PFKP: variants seen among roughly 807,000 people sequenced by gnomAD.
The protein encoded by PFKP is ATP-dependent 6-phosphofructokinase, platelet type.
PFKP carries 101 observed loss-of-function variants against 94.3 expected under a neutral mutation model. The observed-to-expected ratio is 1.07, with a 90% CI of 0.91 to 1.26. PFKP has a LOEUF of 1.26. Among genes scored for constraint, PFKP ranks in the 50% most tolerant of loss-of-function variants. The pLI is 0.00. For synonymous variants in PFKP, 573 were observed against 432.6 expected, an observed-to-expected ratio of 1.32 and a Z score of -4.03; for missense variants, 1,145 against 1,103.3, an observed-to-expected ratio of 1.04 and a Z score of -0.53.
Position 3,118,790 on chromosome 10 carries a change from C to T in PFKP, c.1451C>T (p.Pro484Leu), listed in dbSNP as rs749758798. The change falls in exon 15 of 22, where the codon CCG becomes CTG. Residue 484 changes from proline (P) to leucine (L), a missense_variant. By Grantham distance (98) the Pro-to-Leu change is moderately conservative. Around this residue, in one of 3 missense-constraint regions of PFKP, gnomAD observed 1,119 missense variants for 1,062.8 expected, o/e 1.05. Transcript: ENST00000381125. Reference sequence around the variant, plus strand: ...CACGTGGCTATTTTCAGCGTTCTCCCGGGGAAGTACTTGGAAGAGATCGCC... The same window carrying T: ...CACGTGGCTATTTTCAGCGTTCTCCTGGGGAAGTACTTGGAAGAGATCGCC... ...GSILGTKRVL[P>L]GKYLEEIATQ... is the part of the protein sequence containing the mutation. 9.3e-6 allele frequency: 15 copies of T among 1,612,902 alleles called. No individual in the cohort carries two copies. The highest frequency in any genetic ancestry group is 4.5e-5 in the East Asian group (2 of 44,832).
rs764772616 is a variant in PFKP at position 3,105,509 on chromosome 10, G to A, written c.774+8G>A. On this transcript the variant is annotated splice_region_variant and intron_variant, in intron 7 of 21. Transcript: ENST00000381125. ...TGTGTCAAACTCTCGGAGGTAATGC[G>A]GGTCCCGTGGCCGTTGATAGCGGGC... is the stretch of plus-strand genomic sequence containing the variant. 2.9e-5 allele frequency: 46 copies of A among 1,578,348 alleles called. No individual in the cohort carries two copies. Among genetic ancestry groups the A allele is most frequent in the East Asian group, 1.6e-4 (7 of 44,698 alleles).
intron 5 of PFKP, chr10:3,104,697 A>C (rs1344117886): frequency 4.1e-6 from 1 of 246,210 alleles, no homozygotes; most frequent in African/African-American, 2.4e-5. Flanking sequence ...CTGGGCATTA[A>C]GCACTTAGTG....
Position 3,113,485 on chromosome 10 carries a change from C to G in PFKP, c.1338C>G (p.Ile446Met), listed in dbSNP as rs778462812. 1.9e-6 allele frequency: 3 copies of G among 1,613,330 alleles called. No individual in the cohort carries two copies. Among genetic ancestry groups the G allele is most frequent in the Non-Finnish European group, 2.5e-6 (3 of 1,179,962 alleles). ...CCGACGGCCACAGGATGCTCGCCAT[C>G]TATGATGGCTTTGACGGCTTCGCCA... ...GIADGHRMLAIYDGFDGFAKG... is the reference protein window; with the variant it reads ...GIADGHRMLAMYDGFDGFAKG... Residue 446 changes from isoleucine to methionine, a missense_variant, in exon 13 of 22, where the codon ATC (isoleucine) becomes ATG (methionine). Ile to Met is a conservative substitution (Grantham distance 10, BLOSUM62 1). Coordinates refer to ENST00000381125, the MANE Select transcript of PFKP (RefSeq NM_002627.5).
intron 21 of PFKP, 145 bp from the exon 22 acceptor site, chr10:3,136,305 C>A: frequency 1.4e-6 from 1 of 709,768 alleles, no homozygotes; most frequent in Non-Finnish European, 2.4e-6. Context: ...TTCATTTGAT[C>A]CTGAAATTGG....
chr10:3,112,946 G>A (rs1486312284), intron 11 of PFKP, among the ~76,000 whole-genome samples, 173 bp from the exon 12 acceptor site: 2 of 152,248 alleles, frequency 1.3e-5, no homozygotes, highest in Non-Finnish European at 2.9e-5. Context: ...ACAGCACCGC[G>A]GGTCGCGGCT....
chr10:3,136,661 G>A lies in PFKP; in HGVS notation c.*82G>A, dbSNP rs915755489. ...TTAAGTTATTTTATCAGCACTTTAT[G>A]CACGTATTATTGACATTAATACCTA... On this transcript the variant is annotated 3_prime_UTR_variant, in exon 22 of 22. Coordinates refer to ENST00000381125, the MANE Select transcript of PFKP (RefSeq NM_002627.5). 1.5e-5 allele frequency: 22 copies of A among 1,476,392 alleles called. 1 individual carries two copies. The highest frequency in any genetic ancestry group is 1.3e-4 in the South Asian group (11 of 82,534). 91.5% of individuals were successfully genotyped at this position (1,476,392 alleles called of 1,614,324 possible). A position where few individuals can be genotyped will look rare whatever the true frequency, so the allele number is the denominator to read the frequency against.
chr10:3,100,479 CTGTG>C (rs1310335652), intron 3 of PFKP, among the ~76,000 whole-genome samples: 1 of 152,168 alleles, frequency 6.6e-6, no homozygotes, highest in Non-Finnish European at 1.5e-5. Context: ...TAGTGAGTCT[CTGTG>C]TGTGAAAATG....
In PFKP at chr10:3,118,814, C is replaced by T. The variant is rs1837096167; in HGVS notation, c.1475C>T (p.Ala492Val). Residue 492 changes from alanine (A) to valine (V), a missense_variant, in exon 15 of 22, where the codon GCC becomes GTC. Coordinates refer to ENST00000381125, the MANE Select transcript of PFKP (RefSeq NM_002627.5). ...CCGGGGAAGTACTTGGAAGAGATCG[C>T]CACACAGATGCGCACGCACAGCATC... is the stretch of plus-strand genomic sequence containing the variant. Reference protein sequence around the residue: ...VLPGKYLEEIATQMRTHSINA... With the variant: ...VLPGKYLEEIVTQMRTHSINA... 7 of 1,613,820 alleles carry T rather than the reference C, an allele frequency of 4.3e-6. No homozygotes were observed. In the South Asian group the frequency reaches 5.5e-5, roughly 13 times the overall value.
At chr10:3,119,059 C>T (rs201347515) in intron 15 of PFKP, among the ~76,000 whole-genome samples, 190 bp downstream of exon 15, 1 of 149,644 alleles carries the variant, frequency 6.7e-6, no homozygotes, top group East Asian at 1.9e-4. Flanking sequence ...GGCCCAGTTC[C>T]AGTAAAGCAA....
Position 3,105,154 on chromosome 10 carries a change from CTG to C in PFKP, c.663_664del (p.Cys221TrpfsTer52), listed in dbSNP as rs1284661222. The part of the protein sequence containing the change: ...TFVLEVMGRH[C>X]GYLALVSALA... ...TCGTTCTGGAGGTGATGGGACGACA[CTG>C]TGGGTACGTACCTGCGGTGGGTCCG... On this transcript the variant is annotated frameshift_variant, in exon 6 of 22. Coordinates refer to ENST00000381125, the MANE Select transcript of PFKP (RefSeq NM_002627.5). LOFTEE classifies it high-confidence loss of function. 1.9e-6 allele frequency: 3 copies of C among 1,613,934 alleles called. No individual in the cohort carries two copies. The highest frequency in any genetic ancestry group is 2.5e-6 in the Non-Finnish European group (3 of 1,179,890).
At chr10:3,100,866 A>AT (rs778621965) in intron 3 of PFKP, 68 of 579,582 alleles carry the variant, frequency 1.2e-4, no homozygotes, top group Middle Eastern at 5.9e-4. Flanking sequence ...GTGGTGCAAA[A>AT]AAAAAAAAAA....
At chr10:3,122,046 C>A (rs1485961990) in intron 16 of PFKP, among the ~76,000 whole-genome samples, 2 of 146,304 alleles carry the variant, frequency 1.4e-5, no homozygotes, top group African/African-American at 5.1e-5. Flanking sequence ...GGTCTCAAAA[C>A]GTCTGGGCTC....
rs1236597003 is a variant in PFKP at position 3,134,497 on chromosome 10, T to TC, written c.2039dup (p.Phe681IlefsTer2). 1 of 1,612,388 alleles carries TC rather than the reference T, an allele frequency of 6.2e-7. No homozygotes were observed. Among genetic ancestry groups the TC allele is most frequent in the Non-Finnish European group, 8.5e-7 (1 of 1,178,568 alleles). ...ACCACCAACAGGGTGGGGCACCCTC[T>TC]CCATTTGATAGAAACTTTGGAACCA... is the stretch of plus-strand genomic sequence containing the variant. On this transcript the variant is annotated frameshift_variant, in exon 20 of 22. Transcript: ENST00000381125. LOFTEE classifies it high-confidence loss of function.
Position 3,129,809 on chromosome 10 carries a change from CTG to C in PFKP, c.1684-7_1684-6del, listed in dbSNP as rs748174628. The C allele has an allele frequency of 4.5e-5, 72 of 1,613,176 alleles. 3 individuals are homozygous for C. In the Middle Eastern group the frequency reaches 5.5e-3, roughly 123 times the overall value. On this transcript the variant is annotated splice_polypyrimidine_tract_variant and splice_region_variant and intron_variant, in intron 16 of 21. Coordinates refer to ENST00000381125, the MANE Select transcript of PFKP (RefSeq NM_002627.5). ...TGGGCTGGAGTGACTGATCGCTTCTCTGTGACCAGACCTGCGACCGCATCAAG... is the reference window on the plus strand; with the variant it reads ...TGGGCTGGAGTGACTGATCGCTTCTCTGACCAGACCTGCGACCGCATCAAG...
chr10:3,125,786 C>A (rs1335087149), intron 16 of PFKP, among the ~76,000 whole-genome samples: 1 of 152,222 alleles, frequency 6.6e-6, no homozygotes, highest in African/African-American at 2.4e-5. Context: ...GTGGTGCTGA[C>A]ACCCACATGG....
chr10:3,098,065 A>AT (rs1834639156), intron 2 of PFKP, among the ~76,000 whole-genome samples: 1 of 152,172 alleles, frequency 6.6e-6, no homozygotes, highest in Admixed American at 6.5e-5. Flanking sequence ...AGAAATTTAT[A>AT]AATATAAGTA....
chr10:3,134,500 A>G lies in PFKP; in HGVS notation c.2040A>G (p.Pro680=). The G allele has an allele frequency of 6.2e-7, 1 of 1,613,218 alleles. No individual in the cohort carries two copies. The highest frequency in any genetic ancestry group is 1.3e-5 in the African/African-American group (1 of 75,048). Residue 680 remains proline, a synonymous_variant, in exon 20 of 22, where the codon CCA becomes CCG. Transcript: ENST00000381125. ...GHMQQGGAPS[P]FDRNFGTKIS... is the part of the protein sequence containing the mutation. ...ACCAACAGGGTGGGGCACCCTCTCC[A>G]TTTGATAGAAACTTTGGAACCAAAA...
chr10:3,123,896 G>GGT (rs990743995), intron 16 of PFKP, among the ~76,000 whole-genome samples: 20 of 151,984 alleles, frequency 1.3e-4, no homozygotes, highest in African/African-American at 4.8e-4. Flanking sequence ...CCTGGGTGGA[G>GGT]GTGGAGGCTG....
chr10:3,103,664 G>T, intron 4 of PFKP, 115 bp from the exon 5 acceptor site: 1 of 973,666 alleles, frequency 1.0e-6, no homozygotes. Flanking sequence ...CAATAACAAA[G>T]AGTTTAGAAT....
Sources: gnomAD v4.1 joint callset for allele counts (sites outside exome capture counted in the v4.1 genomes callset) on GRCh38, gnomAD v4.1.1 for gene constraint, gnomAD v4.1.1 regional missense constraint, MANE v1.5 for transcripts, NCBI Gene and HGNC (gene_info 2026-07-23, HGNC 2026-07-21) for gene names.